KCNIP4: variants seen among roughly 807,000 people sequenced by gnomAD.
KCNIP4 encodes the protein Kv channel-interacting protein 4.
KCNIP4 carries 12 observed loss-of-function variants against 34.0 expected under a neutral mutation model. The ratio of observed to expected loss-of-function variants is 0.35; its 90% CI spans 0.23 to 0.57. The LOEUF is 0.57. Ranked by LOEUF, KCNIP4 falls within the 20% of genes least tolerant of loss-of-function variation. The pLI is 0.83. For missense variants in KCNIP4, 238 were observed against 311.7 expected (o/e 0.76, Z 1.78); for synonymous variants, 124 against 102.2 (o/e 1.21, Z -1.29).
intron 1 of KCNIP4, among the ~76,000 whole-genome samples, chr4:20,923,295 T>C (rs1729585600): frequency 6.6e-6 from 1 of 152,210 alleles, no homozygotes; most frequent in African/African-American, 2.4e-5. Flanking sequence ...TACATGATGA[T>C]ATTTGAAACA....
At chr4:21,282,852 C>T (rs1762866005) in intron 1 of KCNIP4, among the ~76,000 whole-genome samples, 1 of 152,294 alleles carries the variant, frequency 6.6e-6, no homozygotes, top group Middle Eastern at 3.4e-3. Flanking sequence ...TCCTTCACTG[C>T]TGCCTCACTT....
intron 1 of KCNIP4, among the ~76,000 whole-genome samples, chr4:21,129,547 G>A (rs770675630): frequency 1.2e-4 from 18 of 152,098 alleles, no homozygotes; most frequent in Non-Finnish European, 2.4e-4. Flanking sequence ...TTGTGTCCAC[G>A]GCAAGGAGTG....
At chr4:21,535,927 A>G (rs181221445) in intron 1 of KCNIP4, among the ~76,000 whole-genome samples, 106 of 152,228 alleles carry the variant, frequency 7.0e-4, no homozygotes, top group African/African-American at 2.4e-3. Context: ...TGAAGCAGAA[A>G]TCTGAGTCTC....
In KCNIP4 at chr4:21,443,085, T is replaced by A. The variant is rs78656588; in HGVS notation, c.61+505486A>T. ...CATGTGTTGTCACTACGACAAAACT[T>A]ATCAACATTGGAACATTTCTCATCC... On this transcript the variant is annotated intron_variant, in intron 1 of 8. Coordinates refer to ENST00000382152, the MANE Select transcript of KCNIP4 (RefSeq NM_025221.6). Among the ~76,000 whole-genome samples, 354 of 152,308 alleles carry A rather than the reference T, an allele frequency of 2.3e-3. 2 individuals are homozygous for A. Among genetic ancestry groups the A allele is most frequent in the African/African-American group, 8.2e-3 (341 of 41,582 alleles).
At chr4:21,265,668 C>A (rs956186412) in intron 1 of KCNIP4, among the ~76,000 whole-genome samples, 2 of 152,220 alleles carry the variant, frequency 1.3e-5, no homozygotes, top group East Asian at 1.9e-4. Context: ...ACCTCTGAGG[C>A]AAAGAGATAG....
At chr4:20,883,611 A>G (rs1724960240) in intron 1 of KCNIP4, among the ~76,000 whole-genome samples, 1 of 152,184 alleles carries the variant, frequency 6.6e-6, no homozygotes, top group South Asian at 2.1e-4. Flanking sequence ...GGTGTCAAAT[A>G]TAAAGCATCA....
chr4:20,769,542 T>C (rs541481638), intron 3 of KCNIP4, among the ~76,000 whole-genome samples: 3 of 152,318 alleles, frequency 2.0e-5, no homozygotes. Context: ...AATGGTGCCC[T>C]GGGACAAAGC....
intron 1 of KCNIP4, among the ~76,000 whole-genome samples, chr4:21,731,524 G>A (rs1026850925): frequency 7.2e-5 from 11 of 152,094 alleles, no homozygotes; most frequent in African/African-American, 2.7e-4. Flanking sequence ...CAAACAATAT[G>A]CCAGAAATCT....
At chr4:21,921,609 C>T (rs947125730) in intron 1 of KCNIP4, among the ~76,000 whole-genome samples, 1 of 152,138 alleles carries the variant, frequency 6.6e-6, no homozygotes, top group Non-Finnish European at 1.5e-5. Context: ...AAGGCCACCA[C>T]CCATGCAGTA....
intron 1 of KCNIP4, among the ~76,000 whole-genome samples, chr4:20,965,080 T>C (rs1352175417): frequency 6.6e-6 from 1 of 152,148 alleles, no homozygotes; most frequent in Non-Finnish European, 1.5e-5. Context: ...CTTTTAACCT[T>C]CTGTTTGGGA....
At chr4:21,614,218 G>C (rs1436322772) in intron 1 of KCNIP4, among the ~76,000 whole-genome samples, 1 of 151,720 alleles carries the variant, frequency 6.6e-6, no homozygotes, top group Admixed American at 6.6e-5. Context: ...AGTACAAACT[G>C]AAAAGATTAT....
At chr4:21,526,403 T>C (rs1455635270) in intron 1 of KCNIP4, among the ~76,000 whole-genome samples, 1 of 152,124 alleles carries the variant, frequency 6.6e-6, no homozygotes, top group Non-Finnish European at 1.5e-5. Flanking sequence ...GAACTGGGAA[T>C]CCATTAAACC....
At chr4:20,863,744 T>G (rs1722455957) in intron 2 of KCNIP4, among the ~76,000 whole-genome samples, 1 of 152,128 alleles carries the variant, frequency 6.6e-6, no homozygotes, top group South Asian at 2.1e-4. Context: ...AAAGGAGGTT[T>G]CATTAATACC....
Position 21,925,692 on chromosome 4 carries a change from A to T in KCNIP4, c.61+22879T>A, listed in dbSNP as rs191825580. Among the ~76,000 whole-genome samples the T allele has an allele frequency of 2.0e-5, 3 of 152,226 alleles. No homozygotes were observed. The East Asian group carries it at 5.8e-4, about 29-fold the overall frequency. On this transcript the variant is annotated intron_variant, in intron 1 of 8. Coordinates refer to ENST00000382152, the MANE Select transcript of KCNIP4 (RefSeq NM_025221.6). Reference sequence around the variant, plus strand: ...CATGAAGGTCTCTAGGAAAGTTTAGATTCCTCTGATGCAGTCTTTAACGAC... The same window carrying T: ...CATGAAGGTCTCTAGGAAAGTTTAGTTTCCTCTGATGCAGTCTTTAACGAC...
intron 1 of KCNIP4, among the ~76,000 whole-genome samples, chr4:21,735,376 C>T (rs28377254): frequency 0.12 from 18,128 of 152,018 alleles, 3,665 homozygotes; most frequent in African/African-American, 0.41. Context: ...ACAAAGATTA[C>T]AAATACTTAA....
At chr4:20,770,519 G>T (rs531181062) in intron 3 of KCNIP4, among the ~76,000 whole-genome samples, 1 of 151,234 alleles carries the variant, frequency 6.6e-6, no homozygotes, top group Non-Finnish European at 1.5e-5. Flanking sequence ...AAAGAAACAC[G>T]CAGTGTTTCA....
At chr4:21,365,769 T>A (rs981551075) in intron 1 of KCNIP4, among the ~76,000 whole-genome samples, 3 of 152,134 alleles carry the variant, frequency 2.0e-5, no homozygotes, top group Non-Finnish European at 4.4e-5. Context: ...TAGCAATAAT[T>A]TGAAGCCTGA....
chr4:21,528,955 C>A (rs1369072021), intron 1 of KCNIP4, among the ~76,000 whole-genome samples: 1 of 152,016 alleles, frequency 6.6e-6, no homozygotes, highest in East Asian at 1.9e-4. Flanking sequence ...TGTGGCATGG[C>A]TTTCGGCCAA....
chr4:21,860,790 C>T (rs1387841377), intron 1 of KCNIP4, among the ~76,000 whole-genome samples: 3 of 152,136 alleles, frequency 2.0e-5, no homozygotes, highest in East Asian at 1.9e-4. Context: ...TAGATATACA[C>T]GTGACATAAC....
Sources: allele counts gnomAD v4.1 joint callset (sites outside exome capture counted in the v4.1 genomes callset), GRCh38; gene constraint gnomAD v4.1.1; transcripts MANE v1.5; gene names NCBI Gene and HGNC (gene_info 2026-07-23, HGNC 2026-07-21).